Variants in TXLNG observed in about 807,000 individuals in gnomAD.
TXLNG encodes gamma-taxilin.
A neutral mutation model predicts 38.8 loss-of-function variants in TXLNG; 5 were observed. The observed-to-expected ratio is 0.13, with a 90% CI of 0.07 to 0.27. TXLNG has a LOEUF of 0.27. Ranked by LOEUF, TXLNG falls within the 10% of genes least tolerant of loss-of-function variation. TXLNG has a pLI of 1.00. For missense variants in TXLNG, 393 were observed against 398.2 expected (o/e 0.99, Z 0.11); for synonymous variants, 182 against 158.2 (o/e 1.15, Z -1.13).
intron 1 of TXLNG, among the ~76,000 whole-genome samples, chrX:16,815,035 C>CT (rs1928679525): frequency 8.9e-6 from 1 of 112,084 alleles, no homozygotes; most frequent in Non-Finnish European, 1.9e-5. Context: ...TATGCTTCCC[C>CT]TTTTTTCTAC....
rs754604825 is a variant in TXLNG at position 16,835,006 on chromosome X, G to C, written c.1059+649G>C. 2.8e-4 allele frequency among the ~76,000 whole-genome samples: 30 copies of C among 107,000 alleles called. No individual in the cohort carries two copies. In the Middle Eastern group the frequency reaches 0.014, roughly 50 times the overall value. The allele number at this position is 107,000 out of a possible 115,157, so 92.9% of individuals were successfully genotyped here. On this transcript the variant is annotated intron_variant, in intron 7 of 9. Transcript: ENST00000380122. The stretch of plus-strand genomic sequence containing the variant: ...CTCCCTCTTGTTCATTCCAGACCCT[G>C]TAAGTGTGTCCTGCTGTGATCTCTC...
intron 1 of TXLNG, among the ~76,000 whole-genome samples, chrX:16,812,177 C>T: frequency 1.0e-5 from 1 of 95,344 alleles, no homozygotes; most frequent in African/African-American, 3.9e-5. Flanking sequence ...CTAATTTTTG[C>T]TTTTTTTTTT....
chrX:16,839,603 A>G (rs1929718972), intron 8 of TXLNG, among the ~76,000 whole-genome samples: 1 of 109,053 alleles, frequency 9.2e-6, no homozygotes. Flanking sequence ...CATAATACAA[A>G]CCCCCTTCTT....
At chrX:16,834,084 T>C (rs751190158) in intron 6 of TXLNG, among the ~76,000 whole-genome samples, 199 bp from the exon 7 acceptor site, 1 of 112,495 alleles carries the variant, frequency 8.9e-6, no homozygotes, top group South Asian at 3.7e-4. Context: ...AATAAAAAGA[T>C]TGTTCCTGCA....
At chrX:16,841,220 T>C (rs771071569) in intron 9 of TXLNG, among the ~76,000 whole-genome samples, 1 of 109,662 alleles carries the variant, frequency 9.1e-6, no homozygotes, top group South Asian at 3.9e-4. Flanking sequence ...ACAAAAGGAA[T>C]TTAATTTTGT....
At chrX:16,817,346 G>T (rs997792146) in intron 1 of TXLNG, among the ~76,000 whole-genome samples, 6 of 112,102 alleles carry the variant, frequency 5.4e-5, no homozygotes, top group Admixed American at 9.5e-5. Context: ...TTGCCAATTT[G>T]TTCTTATGAA....
intron 1 of TXLNG, among the ~76,000 whole-genome samples, chrX:16,802,678 G>T (rs1928151201): frequency 9.0e-6 from 1 of 111,617 alleles, no homozygotes; most frequent in African/African-American, 3.3e-5. Flanking sequence ...TAACGGAAAA[G>T]TGAGTAAGTA....
At chrX:16,821,586 ATACT>A (rs1007734203) in intron 3 of TXLNG, among the ~76,000 whole-genome samples, 4 of 112,845 alleles carry the variant, frequency 3.5e-5, no homozygotes, top group East Asian at 2.8e-4. Context: ...CTTTTGTGAC[ATACT>A]TAGGTGAATT....
rs1271347113 is a variant in TXLNG at position 16,804,253 on chromosome X, C to T, written c.103-14321C>T. On this transcript the variant is annotated intron_variant, in intron 1 of 9. Transcript: ENST00000380122. Reference sequence around the variant, plus strand: ...TACCTAATTATACTATGTCGGCATACGATCTGTTTTATTCCTTTGAATGGC... The same window carrying T: ...TACCTAATTATACTATGTCGGCATATGATCTGTTTTATTCCTTTGAATGGC... Among the ~76,000 whole-genome samples, 4 of 111,734 alleles carry T rather than the reference C, an allele frequency of 3.6e-5. No homozygotes were observed. In the South Asian group the frequency reaches 1.5e-3, roughly 41 times the overall value.
Position 16,844,347 on chromosome X carries a change from C to CTAA in TXLNG, c.*2582_*2584dup, listed in dbSNP as rs1930007688. On this transcript the variant is annotated 3_prime_UTR_variant, in exon 10 of 10. Coordinates refer to ENST00000380122, the MANE Select transcript of TXLNG (RefSeq NM_018360.3). ...TGATGCAGATATCTTCTAGTTTGTG[C>CTAA]TAAACACACTGCTTTATTTTTACAG... The CTAA allele has an allele frequency of 8.9e-6, 1 of 112,290 alleles. No homozygotes were observed. Among genetic ancestry groups the CTAA allele is most frequent in the African/African-American group, 3.2e-5 (1 of 30,890 alleles). The allele number at this position is 112,290 out of a possible 1,213,427, so 9.3% of individuals were successfully genotyped here.
chrX:16,816,018 T>G (rs1203534368), intron 1 of TXLNG, among the ~76,000 whole-genome samples: 1 of 111,308 alleles, frequency 9.0e-6, no homozygotes, highest in Non-Finnish European at 1.9e-5. Flanking sequence ...GCATCTGTTC[T>G]GTTAATAATA....
At chrX:16,807,744 C>T (rs1342246621) in intron 1 of TXLNG, among the ~76,000 whole-genome samples, 1 of 111,376 alleles carries the variant, frequency 9.0e-6, no homozygotes, top group Non-Finnish European at 1.9e-5. Flanking sequence ...TGAAGGTCCA[C>T]TCTAGCTCTT....
In TXLNG at chrX:16,841,903, T is replaced by G. The variant is rs114389393; in HGVS notation, c.*137T>G. On this transcript the variant is annotated 3_prime_UTR_variant, in exon 10 of 10. Coordinates refer to ENST00000380122, the MANE Select transcript of TXLNG (RefSeq NM_018360.3). Reference sequence around the variant, plus strand: ...TATTTTCTTAGAACTACTGGACTTATGTGGTACAGGAGGCTGCTTAGCAGT... The same window carrying G: ...TATTTTCTTAGAACTACTGGACTTAGGTGGTACAGGAGGCTGCTTAGCAGT... 5 of 705,973 alleles carry G rather than the reference T, an allele frequency of 7.1e-6. No homozygotes were observed. The highest frequency in any genetic ancestry group is 1.0e-5 in the Non-Finnish European group (5 of 481,720). The allele number at this position is 705,973 out of a possible 1,213,427, so 58.2% of individuals were successfully genotyped here.
chrX:16,818,986 A>G, intron 2 of TXLNG, 109 bp downstream of exon 2: 1 of 818,881 alleles, frequency 1.2e-6, no homozygotes, highest in East Asian at 3.5e-5. Flanking sequence ...CTTAGCCAAC[A>G]CCCCTAGTGT....
intron 1 of TXLNG, among the ~76,000 whole-genome samples, chrX:16,807,959 A>C (rs754231008): frequency 8.9e-6 from 1 of 112,121 alleles, no homozygotes; most frequent in Non-Finnish European, 1.9e-5. Context: ...CCAAAAAGCT[A>C]TTACAAGTAG....
chrX:16,838,927 C>G (rs1056548788), intron 8 of TXLNG, among the ~76,000 whole-genome samples: 8 of 111,800 alleles, frequency 7.2e-5, no homozygotes, highest in African/African-American at 1.6e-4. Context: ...TGGCCTTTGT[C>G]CCGGTTTGCC....
intron 3 of TXLNG, among the ~76,000 whole-genome samples, chrX:16,821,473 C>A (rs1928957034): frequency 8.9e-6 from 1 of 111,867 alleles, no homozygotes; most frequent in Non-Finnish European, 1.9e-5. Context: ...ACCCTGCCAT[C>A]CTATTTGAAT....
At chrX:16,804,726 C>G (rs1347630142) in intron 1 of TXLNG, among the ~76,000 whole-genome samples, 1 of 109,934 alleles carries the variant, frequency 9.1e-6, no homozygotes, top group African/African-American at 3.3e-5. Context: ...TTTGGCTAGT[C>G]TGAAAGTTTT....
Position 16,786,556 on chromosome X carries a change from A to G in TXLNG, c.69A>G (p.Gly23=). The G allele has an allele frequency of 3.7e-6, 4 of 1,078,974 alleles. No individual in the cohort carries two copies. The highest frequency in any genetic ancestry group is 4.8e-6 in the Non-Finnish European group (4 of 835,516). The allele number at this position is 1,078,974 out of a possible 1,213,427, so 88.9% of individuals were successfully genotyped here. A position where few individuals can be genotyped will look rare whatever the true frequency, so the allele number is the denominator to read the frequency against. Reference sequence around the variant, plus strand: ...GCGCCGAAGAGGCGACTGAGGCCGGACGGGGCGGACGGCGACGCAGCCCGC... The same window carrying G: ...GCGCCGAAGAGGCGACTGAGGCCGGGCGGGGCGGACGGCGACGCAGCCCGC... ...GGGAEEATEA[G]RGGRRRSPRQ... Residue 23 remains glycine, a synonymous_variant, in exon 1 of 10, where the codon GGA becomes GGG. Coordinates refer to ENST00000380122, the MANE Select transcript of TXLNG (RefSeq NM_018360.3).
Sources: allele counts gnomAD v4.1 joint callset (sites outside exome capture counted in the v4.1 genomes callset), GRCh38; gene constraint gnomAD v4.1.1; transcripts MANE v1.5; gene names NCBI Gene and HGNC (gene_info 2026-07-23, HGNC 2026-07-21).